The following SLC4A10 variants were observed in gnomAD, a reference collection of about 807,000 sequenced individuals.
SLC4A10 encodes the protein solute carrier family 4 member 10.
A neutral mutation model predicts 137.7 loss-of-function variants in SLC4A10; 42 were observed. The observed-to-expected ratio is 0.30, with a 90% CI of 0.24 to 0.39. SLC4A10 has a LOEUF of 0.39. SLC4A10 is among the 10% of genes least tolerant of loss of function. SLC4A10 has a pLI of 1.00. For synonymous variants in SLC4A10, 474 were observed against 464.1 expected, an observed-to-expected ratio of 1.02 and a Z score of -0.27; for missense variants, 925 against 1,355.0, an observed-to-expected ratio of 0.68 and a Z score of 4.98.
chr2:161,892,088 T>C (rs1385027743), intron 10 of SLC4A10, among the ~76,000 whole-genome samples: 1 of 152,044 alleles, frequency 6.6e-6, no homozygotes, highest in Non-Finnish European at 1.5e-5. Flanking sequence ...GTAAGTACTA[T>C]ATGATTTAAA....
At position 161,734,289 on chromosome 2, in the gene SLC4A10, C is replaced by G. The variant is rs7570072; in HGVS notation, c.49-36684C>G. Among the ~76,000 whole-genome samples the G allele has an allele frequency of 6.2e-3, 938 of 152,178 alleles. 8 individuals carry two copies. Among genetic ancestry groups the G allele is most frequent in the African/African-American group, 0.021 (890 of 41,508 alleles). On this transcript the variant is annotated intron_variant, in intron 1 of 26. Transcript: ENST00000446997. ...AATTCCTATGTGTTGTGGGAGGGAC[C>G]CTGTGGGAGATCATTTGAATCATGG...
chr2:161,638,127 AGCTTAATGTAATCCCATTTGTCTGTTTTT>A (rs1294326552), intron 1 of SLC4A10, among the ~76,000 whole-genome samples: 1 of 152,094 alleles, frequency 6.6e-6, no homozygotes, highest in East Asian at 1.9e-4. Context: ...GAAGCTTTTC[AGCTTAATGTAATCCCATTTGTCTGTTTTT>A]GCTTTTGTTG....
chr2:161,667,781 A>G lies in SLC4A10; in HGVS notation c.48+43215A>G, dbSNP rs141760429. 1.1e-4 allele frequency among the ~76,000 whole-genome samples: 17 copies of G among 151,844 alleles called. No individual in the cohort carries two copies. The East Asian group carries it at 3.1e-3, about 28-fold the overall frequency. On this transcript the variant is annotated intron_variant, in intron 1 of 26. Transcript: ENST00000446997. ...TGGACTTGTTTTCAGGTCCTATGAC[A>G]TACTGTTTTGATTGTGGTAGCAGAT...
chr2:161,892,467 A>T (rs183417671), intron 10 of SLC4A10, among the ~76,000 whole-genome samples: 39 of 152,158 alleles, frequency 2.6e-4, no homozygotes, highest in Non-Finnish European at 2.9e-5. Context: ...TGGATCTTTA[A>T]CATTTTCGTA....
intron 3 of SLC4A10, among the ~76,000 whole-genome samples, chr2:161,829,761 A>G (rs932023895): frequency 1.3e-5 from 2 of 152,192 alleles, no homozygotes; most frequent in Admixed American, 1.3e-4. Context: ...TTTATAAAGA[A>G]AAAGAGGTTG....
At position 161,791,068 on chromosome 2, in the gene SLC4A10, A is replaced by G. The variant is rs576263738; in HGVS notation, c.131-13381A>G. ...TGGAAGACAGTGTGGCAATTCCTTAAAGACCTAGAGGCAGAAATACCATTT... is the reference window on the plus strand; with the variant it reads ...TGGAAGACAGTGTGGCAATTCCTTAGAGACCTAGAGGCAGAAATACCATTT... On this transcript the variant is annotated intron_variant, in intron 2 of 26. Transcript: ENST00000446997. Among the ~76,000 whole-genome samples the G allele has an allele frequency of 2.0e-3, 301 of 152,318 alleles. 1 individual carries two copies. The highest frequency in any genetic ancestry group is 6.9e-3 in the African/African-American group (286 of 41,568).
At chr2:161,624,649 C>T (rs2031894187) in intron 1 of SLC4A10, 83 bp downstream of exon 1, 1 of 1,538,428 alleles carries the variant, frequency 6.5e-7, no homozygotes, top group Non-Finnish European at 8.8e-7. Flanking sequence ...CTAGGTGCAG[C>T]GAGTGTACTT....
intron 2 of SLC4A10, among the ~76,000 whole-genome samples, chr2:161,803,747 A>C (rs988267527): frequency 1.3e-5 from 2 of 152,102 alleles, no homozygotes; most frequent in African/African-American, 2.4e-5. Context: ...ATACGTTCTA[A>C]GACCCCCAAA....
intron 2 of SLC4A10, among the ~76,000 whole-genome samples, chr2:161,803,365 G>T (rs2055572468): frequency 1.3e-5 from 2 of 152,100 alleles, no homozygotes; most frequent in South Asian, 4.1e-4. Flanking sequence ...ACATTAATAG[G>T]TTATTATCAA....
intron 1 of SLC4A10, among the ~76,000 whole-genome samples, chr2:161,700,652 T>C (rs1173199604): frequency 6.6e-6 from 1 of 152,116 alleles, no homozygotes; most frequent in Non-Finnish European, 1.5e-5. Context: ...GGTAAAACAA[T>C]ATTAACTGTA....
chr2:161,947,874 G>A, intron 17 of SLC4A10, 147 bp downstream of exon 17: 1 of 885,018 alleles, frequency 1.1e-6, no homozygotes, highest in Non-Finnish European at 1.7e-6. Flanking sequence ...TGAAGAGAAA[G>A]AATTTGTGAT....
At chr2:161,885,415 A>T (rs541844214) in intron 10 of SLC4A10, among the ~76,000 whole-genome samples, 4 of 152,148 alleles carry the variant, frequency 2.6e-5, no homozygotes, top group Non-Finnish European at 4.4e-5. Flanking sequence ...CATTGAGCTA[A>T]GTTCTGTTTT....
chr2:161,979,713 C>T (rs939759892), intron 26 of SLC4A10, among the ~76,000 whole-genome samples: 8 of 152,082 alleles, frequency 5.3e-5, no homozygotes, highest in East Asian at 1.9e-4. Context: ...AAATTTAGTA[C>T]GTGGTAGAGT....
intron 1 of SLC4A10, among the ~76,000 whole-genome samples, chr2:161,663,093 T>C (rs1020569331): frequency 1.3e-5 from 2 of 152,188 alleles, no homozygotes; most frequent in Non-Finnish European, 1.5e-5. Flanking sequence ...GACTATAGTA[T>C]CATACTCTTG....
chr2:161,852,409 G>T (rs933933085), intron 4 of SLC4A10, among the ~76,000 whole-genome samples: 4 of 152,060 alleles, frequency 2.6e-5, no homozygotes, highest in East Asian at 3.9e-4. Flanking sequence ...TTAATTAGAA[G>T]ATTTAATAAA....
At chr2:161,828,808 A>ATATATATATG (rs1221709021) in intron 3 of SLC4A10, among the ~76,000 whole-genome samples, 4 of 122,530 alleles carry the variant, frequency 3.3e-5, no homozygotes, top group African/African-American at 1.2e-4. Context: ...ATATATATAT[A>ATATATATATG]TGTATAATCT....
intron 3 of SLC4A10, among the ~76,000 whole-genome samples, chr2:161,823,087 T>A (rs1014041747): frequency 2.0e-5 from 3 of 152,166 alleles, no homozygotes; most frequent in Admixed American, 1.3e-4. Flanking sequence ...AAAAAGTATG[T>A]CATGAATGCA....
intron 1 of SLC4A10, among the ~76,000 whole-genome samples, chr2:161,669,244 G>A (rs925181245): frequency 4.6e-5 from 7 of 151,778 alleles, no homozygotes; most frequent in African/African-American, 1.7e-4. Context: ...TTGGGATTAT[G>A]GGATCATGTA....
At chr2:161,725,690 C>A (rs1011696826) in intron 1 of SLC4A10, among the ~76,000 whole-genome samples, 12 of 152,292 alleles carry the variant, frequency 7.9e-5, no homozygotes, top group Admixed American at 7.2e-4. Context: ...AAAGAAAAAA[C>A]TCAGTCAAAT....
Sources: allele counts gnomAD v4.1 joint callset (sites outside exome capture counted in the v4.1 genomes callset), GRCh38; gene constraint gnomAD v4.1.1; transcripts MANE v1.5; gene names NCBI Gene and HGNC (gene_info 2026-07-23, HGNC 2026-07-21).